Variants in XYLT1 observed in about 807,000 individuals in gnomAD.
XYLT1 encodes beta-D-xylosyltransferase 1.
In XYLT1, 36 loss-of-function variants were observed where a neutral mutation model predicts 91.3. The observed-to-expected ratio is 0.39, with a 90% CI of 0.30 to 0.52. The LOEUF (loss-of-function observed/expected upper bound fraction) is 0.52. Among genes scored for constraint, XYLT1 ranks in the 20% least tolerant of loss-of-function variants. The pLI, the probability that XYLT1 is intolerant of heterozygous loss-of-function variation, is 0.68. For synonymous variants in XYLT1, 588 were observed against 532.0 expected (o/e 1.11, Z -1.45); for missense variants, 1,242 against 1,284.5 (o/e 0.97, Z 0.51).
chr16:17,145,652 C>T (rs946055561), intron 6 of XYLT1, among the ~76,000 whole-genome samples: 2 of 152,234 alleles, frequency 1.3e-5, no homozygotes, highest in African/African-American at 4.8e-5. Flanking sequence ...CTCTCCCAGA[C>T]TTGTGTGTTA....
chr16:17,190,547 C>T (rs1365497542), intron 5 of XYLT1, among the ~76,000 whole-genome samples: 2 of 147,910 alleles, frequency 1.4e-5, no homozygotes, highest in South Asian at 2.1e-4. Flanking sequence ...ATGTGGTGTT[C>T]GGTTTTTTGT....
At chr16:17,191,288 A>G (rs1027340379) in intron 5 of XYLT1, among the ~76,000 whole-genome samples, 5 of 152,232 alleles carry the variant, frequency 3.3e-5, no homozygotes, top group African/African-American at 1.2e-4. Flanking sequence ...AACTACAGGA[A>G]TTCTTTGACC....
At chr16:17,419,415 C>A (rs968752356) in intron 1 of XYLT1, among the ~76,000 whole-genome samples, 7 of 152,026 alleles carry the variant, frequency 4.6e-5, no homozygotes, top group Non-Finnish European at 1.0e-4. Flanking sequence ...GGTCTCTATG[C>A]CCTCTATGCA....
intron 5 of XYLT1, among the ~76,000 whole-genome samples, chr16:17,165,253 T>C (rs781050970): frequency 2.6e-5 from 4 of 152,234 alleles, no homozygotes; most frequent in African/African-American, 9.6e-5. Flanking sequence ...GATGCTATTA[T>C]ATTTATATCC....
At chr16:17,211,176 G>C (rs958515684) in intron 3 of XYLT1, among the ~76,000 whole-genome samples, 3 of 152,208 alleles carry the variant, frequency 2.0e-5, no homozygotes, top group African/African-American at 7.2e-5. Flanking sequence ...AATTGTGAAG[G>C]CTGGAGGGAT....
intron 5 of XYLT1, among the ~76,000 whole-genome samples, chr16:17,177,854 G>A (rs1442940570): frequency 6.6e-6 from 1 of 152,194 alleles, no homozygotes; most frequent in African/African-American, 2.4e-5. Flanking sequence ...GAATTAGCTG[G>A]CATTAAGGCA....
intron 2 of XYLT1, among the ~76,000 whole-genome samples, chr16:17,278,082 C>T (rs975850976): frequency 2.6e-5 from 4 of 152,138 alleles, no homozygotes; most frequent in Non-Finnish European, 5.9e-5. Context: ...GCATCTAGTT[C>T]GGGTAGACAG....
chr16:17,194,674 C>T lies in XYLT1; in HGVS notation c.1289+3538G>A, dbSNP rs564634107. ...TTCAAGGTGGCCTGGGGCCATCCTG[C>T]CAGTCCAGTTCTGCTGATTTCCCTA... On this transcript the variant is annotated intron_variant, in intron 5 of 11. Transcript: ENST00000261381. Among the ~76,000 whole-genome samples, 24 of 152,344 alleles carry T rather than the reference C, an allele frequency of 1.6e-4. No homozygotes were observed. The South Asian group carries it at 3.9e-3, about 25-fold the overall frequency.
At chr16:17,372,801 G>T (rs974042373) in intron 1 of XYLT1, among the ~76,000 whole-genome samples, 1 of 151,978 alleles carries the variant, frequency 6.6e-6, no homozygotes, top group Admixed American at 6.6e-5. Context: ...CCTCATATGC[G>T]AAGTAGGAAT....
chr16:17,392,323 T>C (rs888417594), intron 1 of XYLT1, among the ~76,000 whole-genome samples: 2 of 152,212 alleles, frequency 1.3e-5, no homozygotes, highest in African/African-American at 4.8e-5. Context: ...GGGAGGTTTT[T>C]CATCCAAGTT....
At chr16:17,287,463 C>A (rs1487538545) in intron 2 of XYLT1, among the ~76,000 whole-genome samples, 1 of 152,188 alleles carries the variant, frequency 6.6e-6, no homozygotes, top group African/African-American at 2.4e-5. Context: ...GACAATTTGT[C>A]GAATCCTTGC....
At chr16:17,245,188 T>C (rs930944256) in intron 3 of XYLT1, among the ~76,000 whole-genome samples, 1 of 152,220 alleles carries the variant, frequency 6.6e-6, no homozygotes, top group Non-Finnish European at 1.5e-5. Flanking sequence ...TATACAGCCT[T>C]GACTTGAGGA....
chr16:17,232,935 C>G (rs962898388), intron 3 of XYLT1, among the ~76,000 whole-genome samples: 3 of 152,102 alleles, frequency 2.0e-5, no homozygotes, highest in Admixed American at 1.3e-4. Context: ...TCACTGATTG[C>G]CCCCTTTGGG....
intron 5 of XYLT1, among the ~76,000 whole-genome samples, chr16:17,168,593 A>C (rs985410443): frequency 7.4e-5 from 11 of 149,436 alleles, no homozygotes; most frequent in African/African-American, 2.7e-4. Flanking sequence ...CTAAAATAAA[A>C]GGTGACTTTT....
intron 3 of XYLT1, among the ~76,000 whole-genome samples, chr16:17,220,054 G>C (rs965097061): frequency 1.1e-4 from 17 of 152,240 alleles, no homozygotes; most frequent in African/African-American, 3.9e-4. Context: ...GTGGGTCCTA[G>C]GATTTTTTGA....
chr16:17,318,752 A>G (rs561528304), intron 2 of XYLT1, among the ~76,000 whole-genome samples: 2 of 152,040 alleles, frequency 1.3e-5, no homozygotes, highest in Non-Finnish European at 2.9e-5. Flanking sequence ...TTATGATGAC[A>G]AGAACTCCAT....
chr16:17,364,579 C>T (rs1356121955), intron 1 of XYLT1, among the ~76,000 whole-genome samples: 7 of 152,210 alleles, frequency 4.6e-5, no homozygotes, highest in African/African-American at 9.7e-5. Context: ...ACCGTAGATA[C>T]GAGTGCAACC....
At chr16:17,390,187 C>T (rs78131231) in intron 1 of XYLT1, among the ~76,000 whole-genome samples, 12 of 152,016 alleles carry the variant, frequency 7.9e-5, no homozygotes, top group African/African-American at 2.4e-4. Flanking sequence ...CAGGGGGAGG[C>T]GAGTACAAGG....
intron 1 of XYLT1, among the ~76,000 whole-genome samples, chr16:17,454,685 A>G (rs2036712826): frequency 6.6e-6 from 1 of 151,798 alleles, no homozygotes; most frequent in Non-Finnish European, 1.5e-5. Context: ...TACAGGCATC[A>G]ACCACCACAC....
Sources: gnomAD v4.1 joint callset for allele counts (sites outside exome capture counted in the v4.1 genomes callset) on GRCh38, gnomAD v4.1.1 for gene constraint, MANE v1.5 for transcripts, NCBI Gene and HGNC (gene_info 2026-07-23, HGNC 2026-07-21) for gene names.